The following LYPD1 variants were observed in gnomAD, a reference collection of about 807,000 sequenced individuals.
LYPD1 encodes LY6/PLAUR domain containing 1.
In LYPD1, 14 loss-of-function variants were observed where a neutral mutation model predicts 14.2. The observed-to-expected ratio is 0.99, with a 90% CI of 0.65 to 1.54. The LOEUF is 1.54. Ranked by LOEUF, LYPD1 falls within the 40% of genes most tolerant of loss-of-function variation. LYPD1 has a pLI of 0.00. For missense variants in LYPD1, 165 were observed against 175.7 expected (o/e 0.94, Z 0.34); for synonymous variants, 85 against 70.6 (o/e 1.20, Z -1.02).
Position 132,645,223 on chromosome 2 carries a change from C to G in LYPD1, c.*822G>C. 1 of 1,614,188 alleles carries G rather than the reference C, an allele frequency of 6.2e-7. No homozygotes were observed. On this transcript the variant is annotated 3_prime_UTR_variant, in exon 3 of 3. Coordinates refer to ENST00000397463, the MANE Select transcript of LYPD1 (RefSeq NM_144586.7). ...CTTCCGGGCGTACATGATCCTCCTC[C>G]CCTTCTCGGAGACGTTTTTCTACCT... is the stretch of plus-strand genomic sequence containing the variant.
rs752153900 is a variant in LYPD1 at position 132,646,297 on chromosome 2, AAGGAGCTGAG to A, written c.191-27_191-18del. Reference sequence around the variant, plus strand: ...ACATGATCCCTGTAACACAGACCCAAAGGAGCTGAGTTAACGTGCACCGGCAAAAGAATAG... The same window carrying A: ...ACATGATCCCTGTAACACAGACCCAATTAACGTGCACCGGCAAAAGAATAG... On this transcript the variant is annotated intron_variant, in intron 2 of 2. Transcript: ENST00000397463. 1.4e-5 allele frequency: 20 copies of A among 1,436,914 alleles called. No individual in the cohort carries two copies. The African/African-American group carries it at 2.2e-4, about 16-fold the overall frequency. The allele number at this position is 1,436,914 out of a possible 1,614,324, so 89.0% of individuals were successfully genotyped here.
chr2:132,645,470 T>C lies in LYPD1; in HGVS notation c.*575A>G. ...TCTGCAAGGAGAACTGAGAAGATTT[T>C]CTTAAGCACTTTTCAGAGCGAGGCC... is the stretch of plus-strand genomic sequence containing the variant. On this transcript the variant is annotated 3_prime_UTR_variant, in exon 3 of 3. Coordinates refer to ENST00000397463, the MANE Select transcript of LYPD1 (RefSeq NM_144586.7). 6.2e-7 allele frequency: 1 copy of C among 1,613,992 alleles called. No individual in the cohort carries two copies. The highest frequency in any genetic ancestry group is 8.5e-7 in the Non-Finnish European group (1 of 1,180,036).
chr2:132,664,795 A>G (rs1683174590), intron 2 of LYPD1, among the ~76,000 whole-genome samples: 1 of 152,236 alleles, frequency 6.6e-6, no homozygotes, highest in Non-Finnish European at 1.5e-5. Context: ...ATGCAAATTC[A>G]CATTCTTTAT....
intron 2 of LYPD1, among the ~76,000 whole-genome samples, chr2:132,663,519 C>T (rs766528367): frequency 7.9e-5 from 12 of 152,176 alleles, no homozygotes; most frequent in Non-Finnish European, 1.3e-4. Context: ...AGGTGATCCA[C>T]CTACCTCAAG....
intron 2 of LYPD1, among the ~76,000 whole-genome samples, chr2:132,648,466 G>A (rs555485494): frequency 7.5e-6 from 1 of 134,042 alleles, no homozygotes; most frequent in South Asian, 2.5e-4. Context: ...AATAAAGTCC[G>A]TGTGTTTGCA....
chr2:132,654,126 G>A (rs556864555), intron 2 of LYPD1, among the ~76,000 whole-genome samples: 8 of 152,298 alleles, frequency 5.3e-5, no homozygotes, highest in Non-Finnish European at 1.2e-4. Context: ...ATCGTACTGC[G>A]GTTATGTAGA....
intron 2 of LYPD1, 193 bp from the exon 3 acceptor site, chr2:132,646,473 A>G (rs373240358): frequency 4.2e-5 from 17 of 406,388 alleles, no homozygotes; most frequent in African/African-American, 3.3e-4. Flanking sequence ...GCACTATTTC[A>G]TTAGTTTTAA....
In LYPD1 at chr2:132,669,980, C is replaced by T; in HGVS notation, c.-48G>A. 1 of 1,601,998 alleles carries T rather than the reference C, an allele frequency of 6.2e-7. No homozygotes were observed. On this transcript the variant is annotated 5_prime_UTR_variant, in exon 1 of 3. Transcript: ENST00000397463. This position sits in a 1 kb window ranked among gnomAD's most constrained non-coding sequence, Gnocchi z 4.3. ...GAGAGGGCAAGCGCATCAGAGGAGG[C>T]GACAGCAGCGGAGGCTGCCCCGGCT...
chr2:132,668,827 G>A (rs538630146), intron 1 of LYPD1, among the ~76,000 whole-genome samples: 1 of 152,194 alleles, frequency 6.6e-6, no homozygotes, highest in African/African-American at 2.4e-5. Flanking sequence ...GTTGAAGGGA[G>A]GGTGGGGACG....
chr2:132,645,802 A>C lies in LYPD1; in HGVS notation c.*243T>G. 1.3e-6 allele frequency: 1 copy of C among 763,836 alleles called. No homozygotes were observed. Among genetic ancestry groups the C allele is most frequent in the Non-Finnish European group, 2.0e-6 (1 of 488,308 alleles). The allele number at this position is 763,836 out of a possible 1,614,324, so 47.3% of individuals were successfully genotyped here. On this transcript the variant is annotated 3_prime_UTR_variant, in exon 3 of 3. Transcript: ENST00000397463. ...TGGCCTTGACTCCGGTTACACAGACATGGGGGTGAACTTTCACTCCACCTC... is the reference window on the plus strand; with the variant it reads ...TGGCCTTGACTCCGGTTACACAGACCTGGGGGTGAACTTTCACTCCACCTC...
At chr2:132,647,967 T>C (rs895435012) in intron 2 of LYPD1, among the ~76,000 whole-genome samples, 5 of 152,222 alleles carry the variant, frequency 3.3e-5, no homozygotes, top group African/African-American at 1.2e-4. Flanking sequence ...TTTTTTCCCC[T>C]CTAACTGCAT....
At chr2:132,647,024 T>TAGTC (rs763425460) in intron 2 of LYPD1, among the ~76,000 whole-genome samples, 17 of 152,340 alleles carry the variant, frequency 1.1e-4, no homozygotes, top group Non-Finnish European at 2.1e-4. Flanking sequence ...AGCTGCAGTA[T>TAGTC]AGTCAGTCAT....
Position 132,669,059 on chromosome 2 carries a change from A to G in LYPD1, c.53-522T>C, listed in dbSNP as rs1683465094. ...GATCCCTGAGCGACCACCTGGGAAC[A>G]ACTTGGGTGGAGGTGCCAGACGCCA... On this transcript the variant is annotated intron_variant, in intron 1 of 2. Coordinates refer to ENST00000397463, the MANE Select transcript of LYPD1 (RefSeq NM_144586.7). This position sits in a 1 kb window ranked among gnomAD's most constrained non-coding sequence, Gnocchi z 4.3. 6.6e-6 allele frequency among the ~76,000 whole-genome samples: 1 copy of G among 152,204 alleles called. No homozygotes were observed. The highest frequency in any genetic ancestry group is 2.4e-5 in the African/African-American group (1 of 41,458).
chr2:132,658,757 C>T (rs1007727675), intron 2 of LYPD1, among the ~76,000 whole-genome samples: 1 of 152,116 alleles, frequency 6.6e-6, no homozygotes, highest in African/African-American at 2.4e-5. Flanking sequence ...GTGGAACATA[C>T]CTGTATTTGT....
In LYPD1 at chr2:132,646,105, C is replaced by A; in HGVS notation, c.366G>T (p.Arg122Ser). ...KKRGSSASAL[R>S]PGLRTTILFL... ...ACAGGATGGTGGTGCGGAGCCCTGG[C>A]CTGAGGGCCGAGGCAGAACTTCCCC... The change falls in exon 3 of 3, where the codon AGG becomes AGT. Residue 122 changes from arginine to serine, a missense_variant. Coordinates refer to ENST00000397463, the MANE Select transcript of LYPD1 (RefSeq NM_144586.7). The A allele has an allele frequency of 6.2e-7, 1 of 1,607,994 alleles. No individual in the cohort carries two copies. Among genetic ancestry groups the A allele is most frequent in the Non-Finnish European group, 8.5e-7 (1 of 1,176,756 alleles).
Position 132,645,272 on chromosome 2 carries a change from T to C in LYPD1, c.*773A>G. On this transcript the variant is annotated 3_prime_UTR_variant, in exon 3 of 3. Transcript: ENST00000397463. ...CTCAGCTCGGTCATCAACCCGCTCC[T>C]GTACACGGTGTCCTCGCAGCAGTTT... 6.2e-7 allele frequency: 1 copy of C among 1,614,210 alleles called. No homozygotes were observed. The highest frequency in any genetic ancestry group is 8.5e-7 in the Non-Finnish European group (1 of 1,180,032).
At chr2:132,665,912 A>C (rs1189903926) in intron 2 of LYPD1, among the ~76,000 whole-genome samples, 1 of 152,184 alleles carries the variant, frequency 6.6e-6, no homozygotes, top group Non-Finnish European at 1.5e-5. Flanking sequence ...TAGTATGCTG[A>C]GATTCTCAGG....
Position 132,668,550 on chromosome 2 carries a change from C to G in LYPD1, c.53-13G>C. 1 of 1,610,760 alleles carries G rather than the reference C, an allele frequency of 6.2e-7. No individual in the cohort carries two copies. The highest frequency in any genetic ancestry group is 8.5e-7 in the Non-Finnish European group (1 of 1,179,088). Reference sequence around the variant, plus strand: ...TGCAGCGCAAAGCCTGCGAGACAGACGCAGTCGGGTTCAGATCCGGCCCCC... The same window carrying G: ...TGCAGCGCAAAGCCTGCGAGACAGAGGCAGTCGGGTTCAGATCCGGCCCCC... On this transcript the variant is annotated splice_polypyrimidine_tract_variant and intron_variant, in intron 1 of 2. Transcript: ENST00000397463.
At chr2:132,667,409 A>G (rs1283661737) in intron 2 of LYPD1, among the ~76,000 whole-genome samples, 1 of 152,122 alleles carries the variant, frequency 6.6e-6, no homozygotes, top group East Asian at 1.9e-4. Flanking sequence ...GACTTTCCCA[A>G]GGTGTTGGCT....
Sources: allele counts gnomAD v4.1 joint callset (sites outside exome capture counted in the v4.1 genomes callset), GRCh38; gene constraint gnomAD v4.1.1; non-coding constraint Gnocchi (gnomAD v3.1); transcripts MANE v1.5; gene names NCBI Gene and HGNC (gene_info 2026-07-23, HGNC 2026-07-21).